The following RPRD1A variants were observed in gnomAD, a reference collection of about 807,000 sequenced individuals.
RPRD1A encodes the protein regulation of nuclear pre-mRNA domain containing 1A.
RPRD1A carries 9 observed loss-of-function variants against 37.8 expected under a neutral mutation model. That is an observed-to-expected ratio of 0.24 (90% CI 0.14 to 0.42). The LOEUF is 0.42. Ranked by LOEUF, RPRD1A falls within the 10% of genes least tolerant of loss-of-function variation. The pLI is 1.00. For missense variants in RPRD1A, 255 were observed against 371.0 expected (o/e 0.69, Z 2.57); for synonymous variants, 138 against 139.7 (o/e 0.99, Z 0.08).
At chr18:36,019,782 G>T (rs1297702954) in intron 6 of RPRD1A, among the ~76,000 whole-genome samples, 1 of 152,198 alleles carries the variant, frequency 6.6e-6, no homozygotes, top group African/African-American at 2.4e-5. Context: ...GCTCACGCCT[G>T]TAATCTCAGC....
intron 6 of RPRD1A, among the ~76,000 whole-genome samples, chr18:35,998,572 A>C (rs530272302): frequency 2.6e-5 from 4 of 152,130 alleles, no homozygotes; most frequent in East Asian, 3.9e-4. Context: ...ACCACCCTAA[A>C]GCTTGTTATC....
intron 6 of RPRD1A, among the ~76,000 whole-genome samples, chr18:36,024,451 C>G (rs1911223368): frequency 6.6e-6 from 1 of 151,896 alleles, no homozygotes. Context: ...CCACCACACC[C>G]GGCCCAACAG....
chr18:36,045,330 G>C (rs1483984583), intron 1 of RPRD1A, among the ~76,000 whole-genome samples: 1 of 152,152 alleles, frequency 6.6e-6, no homozygotes, highest in African/African-American at 2.4e-5. Context: ...TTCCTAATAT[G>C]TACTGTATTT....
chr18:36,012,891 C>T (rs976670908), intron 6 of RPRD1A, among the ~76,000 whole-genome samples: 1 of 152,084 alleles, frequency 6.6e-6, no homozygotes, highest in Non-Finnish European at 1.5e-5. Context: ...TATATAGGTC[C>T]GAACATTCCT....
At chr18:36,056,889 T>C (rs185881322) in intron 1 of RPRD1A, among the ~76,000 whole-genome samples, 296 of 151,942 alleles carry the variant, frequency 1.9e-3, no homozygotes, top group African/African-American at 7.0e-3. Context: ...CTTTTTTCTG[T>C]ATAATCCTCT....
At chr18:36,065,498 G>C (rs2089012001) in intron 1 of RPRD1A, among the ~76,000 whole-genome samples, 1 of 152,118 alleles carries the variant, frequency 6.6e-6, no homozygotes, top group Non-Finnish European at 1.5e-5. Context: ...GTTTCACTAT[G>C]TTGCACAGGC....
intron 2 of RPRD1A, 38 bp from the exon 3 acceptor site, chr18:36,031,135 C>G: frequency 6.7e-7 from 1 of 1,482,528 alleles, no homozygotes; most frequent in Non-Finnish European, 8.9e-7. Context: ...AAAATGTTAA[C>G]AGTAACAATG....
intron 1 of RPRD1A, among the ~76,000 whole-genome samples, chr18:36,045,167 G>A (rs1361131921): frequency 6.6e-6 from 1 of 152,144 alleles, no homozygotes; most frequent in African/African-American, 2.4e-5. Flanking sequence ...TTGAACCTGG[G>A]AGGTGGAGGT....
intron 6 of RPRD1A, among the ~76,000 whole-genome samples, chr18:36,020,136 C>A (rs1294459761): frequency 1.3e-5 from 2 of 152,156 alleles, no homozygotes; most frequent in African/African-American, 2.4e-5. Context: ...TAATGTAATT[C>A]ATCCTGAGGA....
chr18:36,003,086 C>T (rs889779342), intron 6 of RPRD1A, among the ~76,000 whole-genome samples: 1 of 152,220 alleles, frequency 6.6e-6, no homozygotes. Flanking sequence ...CTCCCCAGCT[C>T]TGATCTCCCC....
At chr18:36,023,141 T>C (rs1160396211) in intron 6 of RPRD1A, among the ~76,000 whole-genome samples, 2 of 152,224 alleles carry the variant, frequency 1.3e-5, no homozygotes, top group Non-Finnish European at 2.9e-5. Flanking sequence ...TAAGGCTATA[T>C]AGCTGCCATA....
At position 36,067,484 on chromosome 18, in the gene RPRD1A, C is replaced by G. The variant is rs988921448; in HGVS notation, c.-80G>C. On this transcript the variant is annotated 5_prime_UTR_variant, in exon 1 of 7. Coordinates refer to ENST00000399022, the MANE Select transcript of RPRD1A (RefSeq NM_018170.5). ...TTTCGCCGCCCTAGCTGCGGCCTCGCCCCCTCACCCCACCCTTCCCCACGC... is the reference window on the plus strand; with the variant it reads ...TTTCGCCGCCCTAGCTGCGGCCTCGGCCCCTCACCCCACCCTTCCCCACGC... The G allele has an allele frequency of 3.2e-5, 45 of 1,412,148 alleles. No homozygotes were observed. The highest frequency in any genetic ancestry group is 3.9e-5 in the Non-Finnish European group (41 of 1,039,098). The allele number at this position is 1,412,148 out of a possible 1,614,324, so 87.5% of individuals were successfully genotyped here. A position where few individuals can be genotyped will look rare whatever the true frequency, so the allele number is the denominator to read the frequency against.
At chr18:36,000,166 G>C (rs961267174) in intron 6 of RPRD1A, among the ~76,000 whole-genome samples, 3 of 152,176 alleles carry the variant, frequency 2.0e-5, no homozygotes, top group Non-Finnish European at 4.4e-5. Flanking sequence ...AGGAAATAAA[G>C]ATCTCAGTGG....
chr18:36,058,843 T>G (rs550929999), intron 1 of RPRD1A, among the ~76,000 whole-genome samples: 1 of 152,310 alleles, frequency 6.6e-6, no homozygotes, highest in East Asian at 1.9e-4. Flanking sequence ...CTCACAAGCG[T>G]ACAGTGTTGT....
intron 6 of RPRD1A, chr18:36,024,740 T>G (rs979193470): frequency 1.8e-4 from 28 of 152,332 alleles, no homozygotes; most frequent in Admixed American, 1.4e-3. Context: ...GTATCACAGC[T>G]GATTCAGAAA....
intron 1 of RPRD1A, among the ~76,000 whole-genome samples, chr18:36,035,928 G>A (rs1407695204): frequency 6.6e-6 from 1 of 152,162 alleles, no homozygotes; most frequent in African/African-American, 2.4e-5. Context: ...GCCAAAGGCT[G>A]TGGGAATGGG....
At chr18:36,047,542 T>C (rs552311525) in intron 1 of RPRD1A, among the ~76,000 whole-genome samples, 1 of 152,170 alleles carries the variant, frequency 6.6e-6, no homozygotes, top group South Asian at 2.1e-4. Flanking sequence ...AGCAAAGAAC[T>C]GGTTATTTGA....
chr18:36,011,841 T>C (rs1910199540), intron 6 of RPRD1A, among the ~76,000 whole-genome samples: 1 of 152,244 alleles, frequency 6.6e-6, no homozygotes, highest in South Asian at 2.1e-4. Context: ...TCCACCCTTG[T>C]CTACAATTTC....
At chr18:36,010,689 G>A (rs551851454) in intron 6 of RPRD1A, among the ~76,000 whole-genome samples, 1 of 152,184 alleles carries the variant, frequency 6.6e-6, no homozygotes, top group Non-Finnish European at 1.5e-5. Context: ...TGAGAATACT[G>A]GCAGGTGGGG....
Sources: allele counts gnomAD v4.1 joint callset (sites outside exome capture counted in the v4.1 genomes callset), GRCh38; gene constraint gnomAD v4.1.1; transcripts MANE v1.5; gene names NCBI Gene and HGNC (gene_info 2026-07-23, HGNC 2026-07-21).